The following PTPN14 variants were observed in gnomAD, a reference collection of about 807,000 sequenced individuals.
PTPN14 encodes protein tyrosine phosphatase non-receptor type 14, also known as tyrosine-protein phosphatase non-receptor type 14.
PTPN14 carries 53 observed loss-of-function variants against 126.8 expected under a neutral mutation model. That is an observed-to-expected ratio of 0.42 (90% CI 0.34 to 0.53). The LOEUF (loss-of-function observed/expected upper bound fraction) is 0.53. Among genes scored for constraint, PTPN14 ranks in the 20% least tolerant of loss-of-function variants. PTPN14 has a pLI of 0.08. For missense variants in PTPN14, 1,257 were observed against 1,552.9 expected (o/e 0.81, Z 3.20); for synonymous variants, 630 against 599.3 (o/e 1.05, Z -0.75).
rs144741189 is a variant in PTPN14, at chr1:214,369,327, T to A, written c.3271+130A>T. On this transcript the variant is annotated intron_variant, in intron 17 of 18. Transcript: ENST00000366956. Reference sequence around the variant, plus strand: ...CTACATAGTAAGAAAGGAATATATATTTCAATATTATAATACTTTTGCCAC... The same window carrying A: ...CTACATAGTAAGAAAGGAATATATAATTCAATATTATAATACTTTTGCCAC... The A allele has an allele frequency of 2.8e-3, 2,255 of 793,580 alleles. 38 individuals carry two copies. In the African/African-American group the frequency reaches 0.035, roughly 12 times the overall value. The allele number at this position is 793,580 out of a possible 1,614,324, so 49.2% of individuals were successfully genotyped here.
chr1:214,545,590 G>A (rs1655950011), intron 1 of PTPN14, among the ~76,000 whole-genome samples: 1 of 152,176 alleles, frequency 6.6e-6, no homozygotes, highest in Non-Finnish European at 1.5e-5. Context: ...CAAGAGGCCA[G>A]TAAGGATGGA....
chr1:214,520,196 G>C (rs956901291), intron 1 of PTPN14, among the ~76,000 whole-genome samples: 6 of 151,572 alleles, frequency 4.0e-5, no homozygotes, highest in Non-Finnish European at 7.4e-5. Flanking sequence ...ACTGACCCCA[G>C]AGCTTACTAT....
intron 18 of PTPN14, among the ~76,000 whole-genome samples, chr1:214,359,503 G>A (rs1270367517): frequency 6.6e-6 from 1 of 151,558 alleles, no homozygotes; most frequent in African/African-American, 2.4e-5. Flanking sequence ...GATTATAAGC[G>A]TGAGCCACTG....
intron 1 of PTPN14, among the ~76,000 whole-genome samples, chr1:214,468,651 T>C (rs754031172): frequency 2.3e-4 from 35 of 152,332 alleles, no homozygotes; most frequent in Non-Finnish European, 4.4e-4. Context: ...TACAAAATGT[T>C]AACAGTTGTT....
intron 3 of PTPN14, among the ~76,000 whole-genome samples, chr1:214,427,796 T>A (rs1409714477): frequency 1.3e-5 from 2 of 150,118 alleles, no homozygotes; most frequent in South Asian, 2.1e-4. Context: ...GAAAAAAAAA[T>A]GAGGAGCTAG....
intron 15 of PTPN14, among the ~76,000 whole-genome samples, chr1:214,373,560 CA>C: frequency 1.2e-3 from 1 of 818 alleles, no homozygotes; most frequent in African/African-American, 9.3e-3. Context: ...TTCATTGAAA[CA>C]CACACACACA....
At chr1:214,546,764 G>A (rs1275111468) in intron 1 of PTPN14, among the ~76,000 whole-genome samples, 3 of 152,116 alleles carry the variant, frequency 2.0e-5, no homozygotes, top group Admixed American at 6.5e-5. Context: ...ACTAATTGAC[G>A]AGGCTCAAGA....
At chr1:214,460,968 G>T (rs1272152462) in intron 2 of PTPN14, among the ~76,000 whole-genome samples, 1 of 152,026 alleles carries the variant, frequency 6.6e-6, no homozygotes, top group Non-Finnish European at 1.5e-5. Flanking sequence ...TGATAATGAT[G>T]TGTCAATGTA....
intron 1 of PTPN14, among the ~76,000 whole-genome samples, chr1:214,542,160 T>A (rs1249853398): frequency 5.3e-5 from 8 of 152,108 alleles, no homozygotes; most frequent in Non-Finnish European, 1.0e-4. Context: ...AGTATGTATG[T>A]TATATGTACA....
intron 1 of PTPN14, among the ~76,000 whole-genome samples, chr1:214,500,848 C>T (rs1654669448): frequency 6.6e-6 from 1 of 152,152 alleles, no homozygotes; most frequent in Admixed American, 6.5e-5. Flanking sequence ...CCTCAGGTCC[C>T]TCATCATTAA....
At chr1:214,517,819 C>T (rs1655147072) in intron 1 of PTPN14, among the ~76,000 whole-genome samples, 1 of 152,126 alleles carries the variant, frequency 6.6e-6, no homozygotes. Flanking sequence ...GTGGCACATG[C>T]CTGTAATCCC....
intron 1 of PTPN14, among the ~76,000 whole-genome samples, chr1:214,476,083 C>T (rs1230243230): frequency 6.6e-6 from 1 of 152,122 alleles, no homozygotes; most frequent in East Asian, 1.9e-4. Context: ...AGGCTGGGAC[C>T]CAATTTCAGC....
intron 1 of PTPN14, among the ~76,000 whole-genome samples, chr1:214,467,861 A>G (rs146256479): frequency 2.3e-3 from 345 of 152,358 alleles, no homozygotes; most frequent in Middle Eastern, 0.01. Flanking sequence ...TGACAAAAAT[A>G]CTTGCAAGAT....
At chr1:214,416,883 T>C (rs1195150310) in intron 3 of PTPN14, among the ~76,000 whole-genome samples, 1 of 152,246 alleles carries the variant, frequency 6.6e-6, no homozygotes, top group African/African-American at 2.4e-5. Flanking sequence ...ATTTCTAGAA[T>C]GCCTGCTCTT....
At chr1:214,380,506 G>A (rs1460640750) in intron 13 of PTPN14, among the ~76,000 whole-genome samples, 2 of 152,158 alleles carry the variant, frequency 1.3e-5, no homozygotes, top group African/African-American at 4.8e-5. Context: ...CTACAAGCAG[G>A]GAAGTATCTT....
intron 4 of PTPN14, among the ~76,000 whole-genome samples, chr1:214,412,539 A>G (rs1450312804): frequency 2.6e-5 from 4 of 152,250 alleles, no homozygotes; most frequent in African/African-American, 7.2e-5. Context: ...ATTACCAATT[A>G]GGTGCAGCAT....
intron 1 of PTPN14, among the ~76,000 whole-genome samples, chr1:214,472,028 C>T (rs1269119233): frequency 6.6e-6 from 1 of 152,196 alleles, no homozygotes; most frequent in Non-Finnish European, 1.5e-5. Context: ...CCTCCCCAGT[C>T]AGAGTCCTGA....
chr1:214,433,536 T>C (rs751865059), intron 3 of PTPN14, among the ~76,000 whole-genome samples: 1 of 152,048 alleles, frequency 6.6e-6, no homozygotes, highest in Non-Finnish European at 1.5e-5. Flanking sequence ...AAGGATTGAT[T>C]GAGCCAGAGT....
At chr1:214,410,289 C>CTTTTTTTTTTTT (rs571327486) in intron 5 of PTPN14, among the ~76,000 whole-genome samples, 1 of 142,366 alleles carries the variant, frequency 7.0e-6, no homozygotes. Context: ...ACATTTAAGT[C>CTTTTTTTTTTTT]TTTTTTTTTT....
Sources: gnomAD v4.1 joint callset for allele counts (sites outside exome capture counted in the v4.1 genomes callset) on GRCh38, gnomAD v4.1.1 for gene constraint, MANE v1.5 for transcripts, NCBI Gene and HGNC (gene_info 2026-07-23, HGNC 2026-07-21) for gene names.